CPHXL: variants seen among roughly 807,000 people sequenced by gnomAD.
CPHXL encodes the protein cytoplasmic polyadenylated homeobox-like protein.
chr16:75,719,094 G>C (rs895506611), intron 1 of CPHXL, among the ~76,000 whole-genome samples: 1 of 152,170 alleles, frequency 6.6e-6, no homozygotes, highest in Admixed American at 6.5e-5. Context: ...TTTTTGGCAT[G>C]CATGCTATAT....
At chr16:75,723,498 G>A (rs532146007) in intron 1 of CPHXL, among the ~76,000 whole-genome samples, 27 of 152,082 alleles carry the variant, frequency 1.8e-4, no homozygotes, top group Non-Finnish European at 3.2e-4. Context: ...ACTCCCATTT[G>A]CAGTTGCTTC....
At chr16:75,718,848 A>C (rs1347737154) in intron 1 of CPHXL, among the ~76,000 whole-genome samples, 1 of 152,220 alleles carries the variant, frequency 6.6e-6, no homozygotes, top group African/African-American at 2.4e-5. Flanking sequence ...TAAAATTAGA[A>C]CTAATTGCAG....
In CPHXL at chr16:75,726,475, C is replaced by T. The variant is rs939376439; in HGVS notation, c.-33G>A. The T allele has an allele frequency of 5.0e-6, 2 of 398,282 alleles. No individual in the cohort carries two copies. The highest frequency in any genetic ancestry group is 4.4e-5 in the Admixed American group (1 of 22,692). 24.7% of individuals were successfully genotyped at this position (398,282 alleles called of 1,614,324 possible). A position where few individuals can be genotyped will look rare whatever the true frequency, so the allele number is the denominator to read the frequency against. Reference sequence around the variant, plus strand: ...TAGAAGACCTGGACTTCACGGAGACCAGCAAGCAACTGAGATCAGCAAGCA... The same window carrying T: ...TAGAAGACCTGGACTTCACGGAGACTAGCAAGCAACTGAGATCAGCAAGCA... On this transcript the variant is annotated 5_prime_UTR_variant, in exon 1 of 3. Coordinates refer to ENST00000640559, the MANE Select transcript of CPHXL (RefSeq NM_001355613.1).
chr16:75,721,914 A>G (rs1361339276), intron 1 of CPHXL, among the ~76,000 whole-genome samples: 4 of 152,260 alleles, frequency 2.6e-5, no homozygotes, highest in Non-Finnish European at 5.9e-5. Flanking sequence ...CTCTCAGACC[A>G]CAGTGCAATC....
At chr16:75,719,658 C>T (rs919671109) in intron 1 of CPHXL, among the ~76,000 whole-genome samples, 1 of 152,220 alleles carries the variant, frequency 6.6e-6, no homozygotes, top group African/African-American at 2.4e-5. Flanking sequence ...GCCTGCCTCT[C>T]TAGACTCCAC....
At position 75,714,306 on chromosome 16, in the gene CPHXL, G is replaced by C. The variant is rs1959358247; in HGVS notation, c.1136C>G (p.Ala379Gly). ...CCCCAGAGGCAGAAGGGGTGAGTCG[G>C]CAGCTATTTGGAGAGACATGTGCTG... ...QLQHMSLQIA[A>G]DSPLLPLGQD... Residue 379 changes from alanine (A) to glycine (G), a missense_variant, in exon 3 of 3, where the codon GCC (alanine) becomes GGC (glycine). Coordinates refer to ENST00000640559, the MANE Select transcript of CPHXL (RefSeq NM_001355613.1). 2.5e-6 allele frequency: 1 copy of C among 398,508 alleles called. No homozygotes were observed. Among genetic ancestry groups the C allele is most frequent in the African/African-American group, 2.1e-5 (1 of 48,620 alleles). 24.7% of individuals were successfully genotyped at this position (398,508 alleles called of 1,614,324 possible). A position where few individuals can be genotyped will look rare whatever the true frequency, so the allele number is the denominator to read the frequency against.
intron 1 of CPHXL, among the ~76,000 whole-genome samples, chr16:75,725,137 AG>A (rs1959536277): frequency 7.2e-6 from 1 of 138,012 alleles, no homozygotes; most frequent in South Asian, 2.8e-4. Flanking sequence ...GGGTCGGGGG[AG>A]GGGGGAGGGA....
In CPHXL at chr16:75,714,300, G is replaced by A; in HGVS notation, c.1142C>T (p.Ser381Leu). The A allele has an allele frequency of 2.5e-6, 1 of 398,660 alleles. No individual in the cohort carries two copies. The highest frequency in any genetic ancestry group is 3.6e-5 in the East Asian group (1 of 28,066). 24.7% of individuals were successfully genotyped at this position (398,660 alleles called of 1,614,324 possible). ...QHMSLQIAAD[S>L]PLLPLGQDMQ... ...ATCTTGCCCCAGAGGCAGAAGGGGT[G>A]AGTCGGCAGCTATTTGGAGAGACAT... The change falls in exon 3 of 3, where the codon TCA becomes TTA. Residue 381 changes from serine to leucine, a missense_variant. Physicochemically the swap from Ser to Leu is moderately radical, Grantham distance 145. Transcript: ENST00000640559.
chr16:75,717,435 A>G (rs997360764), intron 2 of CPHXL, among the ~76,000 whole-genome samples: 2 of 152,218 alleles, frequency 1.3e-5, no homozygotes, highest in African/African-American at 4.8e-5. Flanking sequence ...GCCCTCATAT[A>G]TATAAAACGG....
chr16:75,719,050 A>G (rs1351497377), intron 1 of CPHXL, among the ~76,000 whole-genome samples: 4 of 151,982 alleles, frequency 2.6e-5, no homozygotes, highest in Admixed American at 6.5e-5. Context: ...ATTTGTGAAC[A>G]TTAGTTAAAT....
At chr16:75,720,810 C>A (rs1959466624) in intron 1 of CPHXL, among the ~76,000 whole-genome samples, 1 of 152,022 alleles carries the variant, frequency 6.6e-6, no homozygotes, top group East Asian at 1.9e-4. Context: ...GTCAGATTCA[C>A]CAAAGTTGAA....
intron 1 of CPHXL, among the ~76,000 whole-genome samples, chr16:75,719,020 G>C (rs944025452): frequency 6.6e-6 from 1 of 152,186 alleles, no homozygotes; most frequent in Non-Finnish European, 1.5e-5. Context: ...TCTGAGTGCT[G>C]AGTTCCACGA....
Position 75,714,165 on chromosome 16 carries a change from A to T in CPHXL, c.*59T>A. On this transcript the variant is annotated 3_prime_UTR_variant, in exon 3 of 3. Transcript: ENST00000640559. ...CGACTGTGTTTCTCTGACACTTAGC[A>T]CTACTTTGCAGAGTTGCATCCTTGG... 1 of 398,638 alleles carries T rather than the reference A, an allele frequency of 2.5e-6. No individual in the cohort carries two copies. 24.7% of individuals were successfully genotyped at this position (398,638 alleles called of 1,614,324 possible). A position where few individuals can be genotyped will look rare whatever the true frequency, so the allele number is the denominator to read the frequency against.
chr16:75,718,615 A>T (rs1365241229), intron 1 of CPHXL, among the ~76,000 whole-genome samples, 157 bp from the exon 2 acceptor site: 1 of 152,216 alleles, frequency 6.6e-6, no homozygotes. Flanking sequence ...ATAAAATTAC[A>T]AATGAAAGCA....
At chr16:75,719,889 C>T (rs1303650529) in intron 1 of CPHXL, among the ~76,000 whole-genome samples, 1 of 152,122 alleles carries the variant, frequency 6.6e-6, no homozygotes, top group African/African-American at 2.4e-5. Context: ...CGGCCGGGTA[C>T]TCCTCCGAGA....
Position 75,714,488 on chromosome 16 carries a change from G to C in CPHXL, c.954C>G (p.His318Gln). The C allele has an allele frequency of 2.5e-6, 1 of 398,628 alleles. No homozygotes were observed. Among genetic ancestry groups the C allele is most frequent in the Non-Finnish European group, 4.4e-6 (1 of 226,080 alleles). The allele number at this position is 398,628 out of a possible 1,614,324, so 24.7% of individuals were successfully genotyped here. A position where few individuals can be genotyped will look rare whatever the true frequency, so the allele number is the denominator to read the frequency against. Reference sequence around the variant, plus strand: ...CCTCTAAGTAATTCTGAGGCTGTTGGTGCTGCTGCAGGTGATACTGCCAAT... The same window carrying C: ...CCTCTAAGTAATTCTGAGGCTGTTGCTGCTGCTGCAGGTGATACTGCCAAT... ...QNDWQYHLQQ[H>Q]QQPQNYLEGM... The change falls in exon 3 of 3, where the codon CAC (histidine) becomes CAG (glutamine). Residue 318 changes from histidine to glutamine, a missense_variant. His to Gln is a conservative substitution (Grantham distance 24). Coordinates refer to ENST00000640559, the MANE Select transcript of CPHXL (RefSeq NM_001355613.1).
intron 1 of CPHXL, among the ~76,000 whole-genome samples, chr16:75,725,074 G>A (rs57813159): frequency 0.2 from 29,962 of 150,992 alleles, 4,391 homozygotes; most frequent in East Asian, 0.65. Context: ...AAATTGAACA[G>A]TGAGAACACA....
At chr16:75,719,274 G>A (rs1959439532) in intron 1 of CPHXL, among the ~76,000 whole-genome samples, 1 of 152,108 alleles carries the variant, frequency 6.6e-6, no homozygotes. Context: ...GTGGGTGCAG[G>A]GCACCGAGCA....
chr16:75,715,621 C>G (rs1372313670), intron 2 of CPHXL, among the ~76,000 whole-genome samples: 1 of 152,182 alleles, frequency 6.6e-6, no homozygotes, highest in African/African-American at 2.4e-5. Flanking sequence ...TCACACAACC[C>G]TGCTACTTTA....
Sources: gnomAD v4.1 joint callset for allele counts (sites outside exome capture counted in the v4.1 genomes callset) on GRCh38, gnomAD v4.1.1 for gene constraint, MANE v1.5 for transcripts, NCBI Gene and HGNC (gene_info 2026-07-23, HGNC 2026-07-21) for gene names.